The following FRMD4A variants were observed in gnomAD, a reference collection of about 807,000 sequenced individuals.
The protein encoded by FRMD4A is FERM domain-containing protein 4A.
FRMD4A carries 29 observed loss-of-function variants against 129.1 expected under a neutral mutation model. That is an observed-to-expected ratio of 0.22 (90% CI 0.17 to 0.31). The LOEUF (loss-of-function observed/expected upper bound fraction) is 0.31, where lower values mean the gene tolerates loss of function less well. FRMD4A is among the 10% of genes least tolerant of loss of function. FRMD4A has a pLI of 1.00. For missense variants in FRMD4A, 1,272 were observed against 1,375.8 expected (o/e 0.92, Z 1.19); for synonymous variants, 634 against 571.6 (o/e 1.11, Z -1.56).
intron 2 of FRMD4A, among the ~76,000 whole-genome samples, chr10:14,063,963 C>A (rs533809991): frequency 1.8e-4 from 27 of 152,120 alleles, no homozygotes; most frequent in Non-Finnish European, 2.9e-4. Context: ...CCCTACTGAA[C>A]GGTTCAAAAG....
At chr10:14,046,086 T>A (rs903823899) in intron 2 of FRMD4A, among the ~76,000 whole-genome samples, 2 of 151,782 alleles carry the variant, frequency 1.3e-5, no homozygotes, top group African/African-American at 4.8e-5. Flanking sequence ...AAAACAGAAT[T>A]TATTTAAATA....
intron 2 of FRMD4A, 43 bp downstream of exon 2, chr10:14,330,015 G>C: frequency 3.2e-6 from 5 of 1,543,316 alleles, no homozygotes; most frequent in Non-Finnish European, 4.4e-6. Context: ...GGGGAGGCTG[G>C]AGTGGACGCT....
At chr10:14,222,466 A>G (rs2131974088) in intron 2 of FRMD4A, among the ~76,000 whole-genome samples, 1 of 152,340 alleles carries the variant, frequency 6.6e-6, no homozygotes, top group Middle Eastern at 3.4e-3. Context: ...AGAGCAGAAG[A>G]TGTGAGAAAC....
At chr10:13,659,269 GC>G (rs2134664930) in intron 21 of FRMD4A, 53 bp downstream of exon 21, 1 of 1,501,812 alleles carries the variant, frequency 6.7e-7, no homozygotes, top group Non-Finnish European at 9.3e-7. Context: ...GGCTGACAAT[GC>G]CCAATTTTAA....
intron 2 of FRMD4A, among the ~76,000 whole-genome samples, chr10:14,174,847 G>T (rs893412386): frequency 6.7e-6 from 1 of 149,382 alleles, no homozygotes; most frequent in Non-Finnish European, 1.5e-5. Flanking sequence ...ATCCTGAATA[G>T]TTGAGTATTA....
chr10:14,003,444 G>A (rs1215799604), intron 2 of FRMD4A: 1 of 152,238 alleles, frequency 6.6e-6, no homozygotes, highest in African/African-American at 2.4e-5. Flanking sequence ...GGGGTCTGTG[G>A]GTGTGGATAT....
intron 2 of FRMD4A, among the ~76,000 whole-genome samples, chr10:13,900,417 C>G (rs1382416297): frequency 1.3e-5 from 2 of 152,116 alleles, no homozygotes; most frequent in Non-Finnish European, 2.9e-5. Context: ...AGCAAGGCTT[C>G]CTGAAACACA....
intron 2 of FRMD4A, among the ~76,000 whole-genome samples, chr10:13,937,236 A>G (rs773569675): frequency 2.6e-5 from 4 of 152,104 alleles, no homozygotes; most frequent in Non-Finnish European, 5.9e-5. Context: ...AATAACAGCA[A>G]CCCTCAGGTG....
intron 2 of FRMD4A, among the ~76,000 whole-genome samples, chr10:13,938,041 G>T (rs1252554920): frequency 2.0e-5 from 3 of 152,140 alleles, no homozygotes; most frequent in Non-Finnish European, 2.9e-5. Context: ...TGAATAAAAA[G>T]TCTGAAAAAG....
At chr10:13,971,676 T>G (rs2095519178) in intron 2 of FRMD4A, 1 of 1,303,896 alleles carries the variant, frequency 7.7e-7, no homozygotes, top group Admixed American at 2.3e-5. Context: ...GCCCTGGAGA[T>G]GCACCATGGT....
At chr10:14,295,161 T>A (rs1845970284) in intron 2 of FRMD4A, among the ~76,000 whole-genome samples, 1 of 152,114 alleles carries the variant, frequency 6.6e-6, no homozygotes, top group Admixed American at 6.5e-5. Context: ...TTGGAGGGCT[T>A]TGCAACCTTC....
intron 5 of FRMD4A, among the ~76,000 whole-genome samples, chr10:13,788,207 A>G (rs893569836): frequency 1.3e-5 from 2 of 152,164 alleles, no homozygotes; most frequent in Non-Finnish European, 2.9e-5. Context: ...CCATGGATCC[A>G]GGGTCCACCC....
chr10:13,808,815 C>A (rs1001088572), intron 4 of FRMD4A, among the ~76,000 whole-genome samples: 2 of 152,218 alleles, frequency 1.3e-5, no homozygotes, highest in Non-Finnish European at 2.9e-5. Flanking sequence ...GACCCTCCCA[C>A]CTAGACTCTG....
chr10:13,649,010 G>A (rs1186581850), intron 24 of FRMD4A, among the ~76,000 whole-genome samples: 1 of 152,118 alleles, frequency 6.6e-6, no homozygotes, highest in Non-Finnish European at 1.5e-5. Flanking sequence ...TATATTAAAG[G>A]TTCTGAGAAG....
At chr10:13,946,896 A>G (rs1330971398) in intron 2 of FRMD4A, among the ~76,000 whole-genome samples, 1 of 152,020 alleles carries the variant, frequency 6.6e-6, no homozygotes, top group Admixed American at 6.6e-5. Context: ...GACCTCGGGG[A>G]GCTTATGGCA....
At chr10:13,672,527 G>C (rs2083596845) in intron 16 of FRMD4A, among the ~76,000 whole-genome samples, 1 of 152,032 alleles carries the variant, frequency 6.6e-6, no homozygotes. Flanking sequence ...TTAAAATGTA[G>C]TTTAAAAAAT....
chr10:13,649,265 T>C (rs367621615), intron 24 of FRMD4A: 47 of 151,070 alleles, frequency 3.1e-4, no homozygotes, highest in African/African-American at 9.9e-4. Context: ...AGAAAGACCA[T>C]TGAGTTCAAA....
rs369649582 is a variant in FRMD4A, at chr10:13,657,481, A to G, written c.2108T>C (p.Leu703Pro). 6.2e-7 allele frequency: 1 copy of G among 1,601,278 alleles called. No homozygotes were observed. The highest frequency in any genetic ancestry group is 8.5e-7 in the Non-Finnish European group (1 of 1,175,226). ...ISPTRLHSLALHFRHRSSSLE... is the reference protein window; with the variant it reads ...ISPTRLHSLAPHFRHRSSSLE... Reference sequence around the variant, plus strand: ...GCTGGAGCTCCGGTGCCTAAAGTGCAGTGCGAGGCTGTGCAGTCGGGTGGG... The same window carrying G: ...GCTGGAGCTCCGGTGCCTAAAGTGCGGTGCGAGGCTGTGCAGTCGGGTGGG... The change falls in exon 22 of 25, where the codon CTG (leucine) becomes CCG (proline). Residue 703 changes from leucine to proline, a missense_variant. Around this residue, in one of 2 missense-constraint regions of FRMD4A, gnomAD observed 972 missense variants for 892.3 expected, o/e 1.09. Transcript: ENST00000357447.
intron 15 of FRMD4A, among the ~76,000 whole-genome samples, chr10:13,678,995 G>A (rs1441524492): frequency 2.0e-5 from 3 of 151,928 alleles, no homozygotes; most frequent in Admixed American, 6.6e-5. Flanking sequence ...TAGGACACTC[G>A]AACACATTCC....
Sources: gnomAD v4.1 joint callset for allele counts (sites outside exome capture counted in the v4.1 genomes callset) on GRCh38, gnomAD v4.1.1 for gene constraint, gnomAD v4.1.1 regional missense constraint, MANE v1.5 for transcripts, NCBI Gene and HGNC (gene_info 2026-07-23, HGNC 2026-07-21) for gene names.